Variants in IL5RA observed in about 807,000 individuals in gnomAD.
The protein encoded by IL5RA is interleukin 5 receptor subunit alpha, also known as interleukin-5 receptor subunit alpha.
Under a neutral mutation model 50.0 loss-of-function variants are expected in IL5RA, and 49 were observed. The observed-to-expected ratio is 0.98, with a 90% confidence interval of 0.78 to 1.24. IL5RA has a LOEUF of 1.24. IL5RA is among the 50% of genes most tolerant of loss of function. IL5RA has a pLI of 0.00. For synonymous variants in IL5RA, 202 were observed against 174.0 expected (o/e 1.16, Z -1.26); for missense variants, 600 against 500.4 (o/e 1.20, Z -1.90).
chr3:3,102,620 C>G, intron 4 of IL5RA, 55 bp downstream of exon 4: 1 of 1,198,230 alleles, frequency 8.3e-7, no homozygotes, highest in Non-Finnish European at 1.2e-6. Context: ...AAAGAAAATG[C>G]AGTCAAAATG....
In IL5RA at chr3:3,069,354, G is replaced by C. The variant is rs1175523236; in HGVS notation, c.*871C>G. On this transcript the variant is annotated 3_prime_UTR_variant, in exon 12 of 12. Transcript: ENST00000446632. ...AACTTGAGAGACTAGGATTGATCTGGCATTACTTGACCAACAAGTTGTTCT... is the reference window on the plus strand; with the variant it reads ...AACTTGAGAGACTAGGATTGATCTGCCATTACTTGACCAACAAGTTGTTCT... The C allele has an allele frequency of 6.6e-6, 1 of 152,194 alleles. No homozygotes were observed. Among genetic ancestry groups the C allele is most frequent in the Non-Finnish European group, 1.5e-5 (1 of 68,042 alleles). 9.4% of individuals were successfully genotyped at this position (152,194 alleles called of 1,614,324 possible).
At chr3:3,082,308 C>G (rs575077336) in intron 9 of IL5RA, among the ~76,000 whole-genome samples, 1 of 152,312 alleles carries the variant, frequency 6.6e-6, no homozygotes, top group South Asian at 2.1e-4. Context: ...ACTCTCTGCT[C>G]TGACTCAAGG....
intron 11 of IL5RA, among the ~76,000 whole-genome samples, chr3:3,074,029 C>T (rs1464318502): frequency 1.3e-5 from 2 of 152,206 alleles, no homozygotes; most frequent in African/African-American, 2.4e-5. Flanking sequence ...AATGCCAAGG[C>T]AATTCACTGG....
In IL5RA at chr3:3,102,876, C is replaced by G. The variant is rs946290020; in HGVS notation, c.83-56G>C. 5 of 1,458,668 alleles carry G rather than the reference C, an allele frequency of 3.4e-6. No homozygotes were observed. The Admixed American group carries it at 1.1e-4, about 31-fold the overall frequency. The allele number at this position is 1,458,668 out of a possible 1,614,324, so 90.4% of individuals were successfully genotyped here. ...AATGTTCAACTGGACATAGGCAGCA[C>G]TTTTAAAACTTTTCGAATATTTATT... On this transcript the variant is annotated intron_variant, in intron 3 of 11. Transcript: ENST00000446632.
rs775911773 is a variant in IL5RA, at chr3:3,102,674, C to T, written c.228+1G>A. ...GGATATCCATTAGAATAAACACTTA[C>T]GTCATCTTCTTTTGGAGCGTTTATT... On this transcript the variant is annotated splice_donor_variant, in intron 4 of 11. Transcript: ENST00000446632. LOFTEE classifies it high-confidence loss of function. The T allele has an allele frequency of 1.0e-5, 16 of 1,574,040 alleles. No homozygotes were observed. The highest frequency in any genetic ancestry group is 1.8e-4 in the Middle Eastern group (1 of 5,426).
At chr3:3,104,818 C>A (rs546649758) in intron 3 of IL5RA, 85 bp downstream of exon 3, 1 of 784,434 alleles carries the variant, frequency 1.3e-6, no homozygotes, top group Non-Finnish European at 2.1e-6. Context: ...ATGTTCTAAT[C>A]GACAGTTTAA....
At chr3:3,089,120 CA>C (rs921008536) in intron 9 of IL5RA, among the ~76,000 whole-genome samples, 3 of 152,094 alleles carry the variant, frequency 2.0e-5, no homozygotes, top group African/African-American at 7.2e-5. Flanking sequence ...TTGGTCTCAA[CA>C]GAATTATGAA....
chr3:3,083,909 C>T lies in IL5RA; in HGVS notation c.995-7282G>A, dbSNP rs761772407. On this transcript the variant is annotated intron_variant, in intron 9 of 11. Transcript: ENST00000446632. ...TACTAAAGATACAAAATTAGCCAGG[C>T]GGGGTGGCATGAGTAATTCCAGCTA... Among the ~76,000 whole-genome samples the T allele has an allele frequency of 5.9e-5, 9 of 152,082 alleles. No homozygotes were observed. The South Asian group carries it at 1.5e-3, about 25-fold the overall frequency.
chr3:3,070,456 A>G (rs1184663883), intron 11 of IL5RA, 145 bp from the exon 12 acceptor site: 19 of 606,024 alleles, frequency 3.1e-5, no homozygotes, highest in Non-Finnish European at 4.7e-5. Context: ...AAGTGGGAAG[A>G]AGAAGAAAAT....
intron 8 of IL5RA, among the ~76,000 whole-genome samples, chr3:3,093,666 T>C (rs1703232663): frequency 6.6e-6 from 1 of 152,216 alleles, no homozygotes; most frequent in South Asian, 2.1e-4. Context: ...CAGATTCCGT[T>C]CAATTCCTCT....
At chr3:3,104,627 CA>C (rs1194451044) in intron 3 of IL5RA, among the ~76,000 whole-genome samples, 3 of 152,142 alleles carry the variant, frequency 2.0e-5, no homozygotes, top group Non-Finnish European at 4.4e-5. Flanking sequence ...GAAGACATTC[CA>C]AATGCGACCA....
intron 9 of IL5RA, among the ~76,000 whole-genome samples, chr3:3,080,884 T>TG (rs1056498246): frequency 9.9e-5 from 15 of 152,156 alleles, no homozygotes; most frequent in African/African-American, 3.6e-4. Context: ...TTTGTAGAGA[T>TG]GGGGCCTCAG....
intron 9 of IL5RA, chr3:3,091,897 T>G (rs754131668): frequency 3.8e-6 from 3 of 784,132 alleles, no homozygotes; most frequent in Non-Finnish European, 3.2e-6. Context: ...TCTCTATTAT[T>G]TCTTCCCACA....
intron 9 of IL5RA, among the ~76,000 whole-genome samples, chr3:3,083,548 T>G (rs114800763): frequency 0.011 from 1,691 of 152,242 alleles, 16 homozygotes; most frequent in African/African-American, 0.024. Flanking sequence ...TGAAGTTGAG[T>G]GGGGAATTCC....
chr3:3,103,458 A>G (rs566985136), intron 3 of IL5RA, among the ~76,000 whole-genome samples: 104 of 152,232 alleles, frequency 6.8e-4, no homozygotes, highest in Non-Finnish European at 1.2e-3. Context: ...CTGTTTCATG[A>G]ATCTCGTTTC....
intron 2 of IL5RA, among the ~76,000 whole-genome samples, chr3:3,105,813 A>G (rs1457685335): frequency 6.6e-6 from 1 of 152,210 alleles, no homozygotes; most frequent in African/African-American, 2.4e-5. Flanking sequence ...TCTACATGTC[A>G]AAGAGGAGAG....
intron 2 of IL5RA, among the ~76,000 whole-genome samples, chr3:3,107,058 CT>C (rs1394461233): frequency 6.6e-6 from 1 of 151,928 alleles, no homozygotes; most frequent in East Asian, 1.9e-4. Flanking sequence ...TTTATAGCTG[CT>C]AAAAATAGAA....
rs1047441497 is a variant in IL5RA, at chr3:3,097,751, G to C, written c.709+119C>G. On this transcript the variant is annotated intron_variant, in intron 7 of 11. Coordinates refer to ENST00000446632, the MANE Select transcript of IL5RA (RefSeq NM_175726.4). ...CTTGCCCCAGTGGTTTTCAAACATG[G>C]GTCTGATGCTTACTTGGCATCAGAG... The C allele has an allele frequency of 1.0e-5, 11 of 1,089,252 alleles. No individual in the cohort carries two copies. In the African/African-American group the frequency reaches 1.6e-4, roughly 16 times the overall value. The allele number at this position is 1,089,252 out of a possible 1,614,324, so 67.5% of individuals were successfully genotyped here.
chr3:3,071,729 A>G (rs1702306794), intron 11 of IL5RA, among the ~76,000 whole-genome samples: 1 of 151,948 alleles, frequency 6.6e-6, no homozygotes, highest in Non-Finnish European at 1.5e-5. Flanking sequence ...ATCTGAGGCT[A>G]CAGGTGTGCA....
Sources: gnomAD v4.1 joint callset for allele counts (sites outside exome capture counted in the v4.1 genomes callset) on GRCh38, gnomAD v4.1.1 for gene constraint, MANE v1.5 for transcripts, NCBI Gene and HGNC (gene_info 2026-07-23, HGNC 2026-07-21) for gene names.